Variants in NRIP1 observed in about 807,000 individuals in gnomAD.
NRIP1 encodes the protein nuclear receptor-interacting protein 1.
In NRIP1, 28 loss-of-function variants were observed where a neutral mutation model predicts 75.0. The ratio of observed to expected loss-of-function variants is 0.37; its 90% CI spans 0.28 to 0.51. The LOEUF (loss-of-function observed/expected upper bound fraction) is 0.51. Among genes scored for constraint, NRIP1 ranks in the 20% least tolerant of loss-of-function variants. The pLI is 0.92. For missense variants in NRIP1, 1,435 were observed against 1,343.7 expected (o/e 1.07, Z -1.06); for synonymous variants, 526 against 487.6 (o/e 1.08, Z -1.04).
rs1378976871 is a variant in NRIP1, at chr21:14,962,559, T to G, written c.*2157A>C. The stretch of plus-strand genomic sequence containing the variant: ...CAACATATTTTTTCTGACATACCTC[T>G]AAGGCTCCAAACCTTCCACAACGAT... On this transcript the variant is annotated 3_prime_UTR_variant, in exon 4 of 4. Coordinates refer to ENST00000318948, the MANE Select transcript of NRIP1 (RefSeq NM_003489.4). The G allele has an allele frequency of 1.3e-5, 2 of 152,438 alleles. No individual in the cohort carries two copies. Among genetic ancestry groups the G allele is most frequent in the Admixed American group, 1.3e-4 (2 of 15,232 alleles). 9.4% of individuals were successfully genotyped at this position (152,438 alleles called of 1,614,324 possible). A position where few individuals can be genotyped will look rare whatever the true frequency, so the allele number is the denominator to read the frequency against.
rs770620572 is a variant in NRIP1 at position 14,965,477 on chromosome 21, C to A, written c.2716G>T (p.Asp906Tyr). Residue 906 changes from aspartate to tyrosine, a missense_variant, in exon 4 of 4, where the codon GAT becomes TAT. Coordinates refer to ENST00000318948, the MANE Select transcript of NRIP1 (RefSeq NM_003489.4). ...NQEELKFSRN[D>Y]LEFKYPAGHG... ...CCAGCAGGATATTTAAATTCAAGATCATTTCTGCTAAATTTCAGCTCTTCC... is the reference window on the plus strand; with the variant it reads ...CCAGCAGGATATTTAAATTCAAGATAATTTCTGCTAAATTTCAGCTCTTCC... 22 of 1,613,836 alleles carry A rather than the reference C, an allele frequency of 1.4e-5. No homozygotes were observed. The South Asian group carries it at 1.8e-4, about 13-fold the overall frequency.
chr21:15,060,914 GC>G lies in NRIP1; in HGVS notation c.-538+3830del, dbSNP rs538245812. On this transcript the variant is annotated intron_variant, in intron 1 of 3. Transcript: ENST00000318948. ...CATAATCTTCAGTTCCATTCCAATG[GC>G]CTGTTTCACCATCTGACACTCCTGG... Among the ~76,000 whole-genome samples the G allele has an allele frequency of 5.3e-3, 807 of 152,076 alleles. 5 individuals are homozygous for G. The highest frequency in any genetic ancestry group is 7.9e-3 in the Non-Finnish European group (536 of 67,970).
At chr21:15,042,943 T>C (rs1022431054) in intron 2 of NRIP1, among the ~76,000 whole-genome samples, 20 of 152,196 alleles carry the variant, frequency 1.3e-4, no homozygotes, top group South Asian at 6.2e-4. Context: ...AGATAAATTA[T>C]TATGCTATAC....
chr21:14,979,227 T>C (rs1369612960), intron 3 of NRIP1, among the ~76,000 whole-genome samples: 1 of 152,224 alleles, frequency 6.6e-6, no homozygotes, highest in Non-Finnish European at 1.5e-5. Flanking sequence ...TTGGAGTAAC[T>C]GGTGCTTTCT....
At chr21:15,057,934 C>G (rs1249475742) in intron 1 of NRIP1, among the ~76,000 whole-genome samples, 2 of 152,172 alleles carry the variant, frequency 1.3e-5, no homozygotes, top group Non-Finnish European at 2.9e-5. Context: ...CCCCTCCCAA[C>G]AAAACAGGAA....
intron 2 of NRIP1, among the ~76,000 whole-genome samples, chr21:15,028,076 A>T (rs1226304989): frequency 6.6e-6 from 1 of 152,182 alleles, no homozygotes; most frequent in Non-Finnish European, 1.5e-5. Context: ...TGATACTCTA[A>T]ATCAAATTTG....
chr21:15,003,992 C>T (rs2087907878), intron 3 of NRIP1, among the ~76,000 whole-genome samples: 1 of 152,140 alleles, frequency 6.6e-6, no homozygotes, highest in Non-Finnish European at 1.5e-5. Flanking sequence ...ATATAGATTT[C>T]CCCTCCAATA....
intron 2 of NRIP1, among the ~76,000 whole-genome samples, chr21:15,015,433 A>G (rs1336804318): frequency 6.6e-6 from 1 of 152,150 alleles, no homozygotes; most frequent in Non-Finnish European, 1.5e-5. Flanking sequence ...ATGCCTTAAC[A>G]TGTTATATGT....
At chr21:14,993,235 CAA>C (rs576010022) in intron 3 of NRIP1, among the ~76,000 whole-genome samples, 9 of 123,248 alleles carry the variant, frequency 7.3e-5, no homozygotes, top group Non-Finnish European at 7.0e-5. Flanking sequence ...CAGTAATGAC[CAA>C]AAAAAAAAAA....
At chr21:14,974,230 A>C (rs1017996669) in intron 3 of NRIP1, 2 of 152,172 alleles carry the variant, frequency 1.3e-5, no homozygotes, top group Admixed American at 6.5e-5. Context: ...TATATCTGAA[A>C]AGGACAAGGC....
chr21:14,970,416 T>G (rs1412464320), intron 3 of NRIP1, among the ~76,000 whole-genome samples: 1 of 152,056 alleles, frequency 6.6e-6, no homozygotes, highest in African/African-American at 2.4e-5. Context: ...TATGGTGGCA[T>G]GCGCCTGTAG....
Position 14,964,496 on chromosome 21 carries a change from G to A in NRIP1, c.*220C>T, listed in dbSNP as rs886533354. On this transcript the variant is annotated 3_prime_UTR_variant, in exon 4 of 4. Transcript: ENST00000318948. ...GTTGTTATCTGATGCATACAGAAGTGTTAAACAACCAATTGCTAGTTCAGT... is the reference window on the plus strand; with the variant it reads ...GTTGTTATCTGATGCATACAGAAGTATTAAACAACCAATTGCTAGTTCAGT... 1.4e-5 allele frequency: 6 copies of A among 425,484 alleles called. No individual in the cohort carries two copies. Among genetic ancestry groups the A allele is most frequent in the African/African-American group, 6.2e-5 (3 of 48,574 alleles). The allele number at this position is 425,484 out of a possible 1,614,324, so 26.4% of individuals were successfully genotyped here. A position where few individuals can be genotyped will look rare whatever the true frequency, so the allele number is the denominator to read the frequency against.
chr21:15,019,074 CAT>C (rs1600877696), intron 2 of NRIP1, among the ~76,000 whole-genome samples: 1 of 150,874 alleles, frequency 6.6e-6, no homozygotes, highest in Non-Finnish European at 1.5e-5. Flanking sequence ...TCGAGATAAT[CAT>C]GTGAGTTTTT....
At chr21:14,996,552 G>A (rs2087731127) in intron 3 of NRIP1, among the ~76,000 whole-genome samples, 3 of 152,060 alleles carry the variant, frequency 2.0e-5, no homozygotes, top group South Asian at 2.1e-4. Flanking sequence ...AGAGCACCTC[G>A]GAGATCACAG....
At chr21:15,024,398 T>C (rs368904767) in intron 2 of NRIP1, among the ~76,000 whole-genome samples, 52 of 152,132 alleles carry the variant, frequency 3.4e-4, no homozygotes, top group African/African-American at 9.9e-4. Context: ...AAAAATTAGC[T>C]GGGTGTGGTG....
chr21:15,064,036 G>T (rs1462084519), intron 1 of NRIP1, among the ~76,000 whole-genome samples: 1 of 152,198 alleles, frequency 6.6e-6, no homozygotes, highest in Non-Finnish European at 1.5e-5. Flanking sequence ...ATACATCCAC[G>T]GAAACCTTCA....
Position 14,966,850 on chromosome 21 carries a change from C to T in NRIP1, c.1343G>A (p.Arg448Gln), listed in dbSNP as rs201341797. The change falls in exon 4 of 4, where the codon CGA becomes CAA. Residue 448 changes from arginine to glutamine, a missense_variant. Transcript: ENST00000318948. ...CVPIDLSCKH[R>Q]TEKSESDQPV... The stretch of plus-strand genomic sequence containing the variant: ...TTGGTCAGATTCTGATTTTTCAGTT[C>T]GGTGTTTGCAAGACAAGTCTATGGG... 1.9e-5 allele frequency: 30 copies of T among 1,614,080 alleles called. No homozygotes were observed. Among genetic ancestry groups the T allele is most frequent in the East Asian group, 2.2e-5 (1 of 44,872 alleles).
At chr21:14,969,070 G>A (rs1041954584) in intron 3 of NRIP1, among the ~76,000 whole-genome samples, 2 of 152,120 alleles carry the variant, frequency 1.3e-5, no homozygotes, top group Non-Finnish European at 2.9e-5. Context: ...GTAATTTTTA[G>A]AATTTCCGTT....
At position 14,964,984 on chromosome 21, in the gene NRIP1, T is replaced by C; in HGVS notation, c.3209A>G (p.Tyr1070Cys). The C allele has an allele frequency of 6.2e-7, 1 of 1,614,044 alleles. No individual in the cohort carries two copies. The highest frequency in any genetic ancestry group is 8.5e-7 in the Non-Finnish European group (1 of 1,179,922). ...RLTKTNPILY[Y>C]MLQKGGNSVT... Reference sequence around the variant, plus strand: ...AGAATTGCCTCCTTTTTGAAGCATGTAATATAGTATTGGGTTGGTTTTGGT... The same window carrying C: ...AGAATTGCCTCCTTTTTGAAGCATGCAATATAGTATTGGGTTGGTTTTGGT... Residue 1070 changes from tyrosine (Y) to cysteine (C), a missense_variant, in exon 4 of 4, where the codon TAC becomes TGC. Coordinates refer to ENST00000318948, the MANE Select transcript of NRIP1 (RefSeq NM_003489.4).
Sources: allele counts gnomAD v4.1 joint callset (sites outside exome capture counted in the v4.1 genomes callset), GRCh38; gene constraint gnomAD v4.1.1; transcripts MANE v1.5; gene names NCBI Gene and HGNC (gene_info 2026-07-23, HGNC 2026-07-21).